SRCAP: variants seen among roughly 807,000 people sequenced by gnomAD.
The protein encoded by SRCAP is Snf2 related CREBBP activator protein, also known as chromatin remodeling protein SRCAP.
Under a neutral mutation model 263.1 loss-of-function variants are expected in SRCAP, and 46 were observed. The observed-to-expected ratio is 0.17, with a 90% CI of 0.14 to 0.22. The LOEUF (loss-of-function observed/expected upper bound fraction) is 0.22. Among genes scored for constraint, SRCAP ranks in the 10% least tolerant of loss-of-function variants. The pLI is 1.00. For synonymous variants in SRCAP, 1,813 were observed against 1,662.1 expected, an observed-to-expected ratio of 1.09 and a Z score of -2.21; for missense variants, 3,695 against 4,181.9, an observed-to-expected ratio of 0.88 and a Z score of 3.21.
chr16:30,723,526 G>A (rs2053031740), intron 24 of SRCAP, 58 bp from the exon 25 acceptor site: 1 of 1,552,676 alleles, frequency 6.4e-7, no homozygotes, highest in Admixed American at 1.9e-5. Context: ...AGATGGGACA[G>A]GGAGTAGAAA....
rs143900605 is a variant in SRCAP at position 30,730,544 on chromosome 16, G to A, written c.6127+972G>A. ...CCTCCTGGGTTCAAGCGATTCTCCT[G>A]CTTCAGCCTCCTGAGTAGCTGGGAT... On this transcript the variant is annotated intron_variant, in intron 27 of 33. Coordinates refer to ENST00000262518, the MANE Select transcript of SRCAP (RefSeq NM_006662.3). 3.9e-5 allele frequency among the ~76,000 whole-genome samples: 6 copies of A among 152,088 alleles called. No individual in the cohort carries two copies. The East Asian group carries it at 1.2e-3, about 29-fold the overall frequency.
intron 20 of SRCAP, 86 bp downstream of exon 20, chr16:30,721,064 T>G (rs2053006573): frequency 6.5e-7 from 1 of 1,543,372 alleles, no homozygotes; most frequent in Middle Eastern, 1.8e-4. Context: ...TTAAAGGGTT[T>G]GAGGAGCTGG....
intron 27 of SRCAP, among the ~76,000 whole-genome samples, chr16:30,732,702 G>A (rs1471368752): frequency 6.6e-6 from 1 of 152,172 alleles, no homozygotes; most frequent in African/African-American, 2.4e-5. Flanking sequence ...TGCTCATAAA[G>A]CATTGGGGAT....
chr16:30,724,196 C>A lies in SRCAP; in HGVS notation c.4772C>A (p.Ala1591Glu), dbSNP rs769281819. Residue 1591 changes from alanine to glutamate, a missense_variant, in exon 25 of 34, where the codon GCG becomes GAG. Ala to Glu is a moderately radical substitution (Grantham distance 107). Coordinates refer to ENST00000262518, the MANE Select transcript of SRCAP (RefSeq NM_006662.3). ...CTAGCCACCCCTCTGGCTCCTATGGCGGCTCCACAGACAGCAATTCTGGCT... is the reference window on the plus strand; with the variant it reads ...CTAGCCACCCCTCTGGCTCCTATGGAGGCTCCACAGACAGCAATTCTGGCT... ...QALATPLAPM[A>E]APQTAILAPS... 2 of 1,614,096 alleles carry A rather than the reference C, an allele frequency of 1.2e-6. No homozygotes were observed. The highest frequency in any genetic ancestry group is 1.7e-6 in the Non-Finnish European group (2 of 1,180,002).
chr16:30,728,418 C>T (rs750254601), intron 25 of SRCAP, among the ~76,000 whole-genome samples: 1 of 152,190 alleles, frequency 6.6e-6, no homozygotes, highest in Non-Finnish European at 1.5e-5. Context: ...TCAAAGTCAT[C>T]CAGGTGTCCT....
intron 18 of SRCAP, among the ~76,000 whole-genome samples, chr16:30,719,252 G>A (rs2151291920): frequency 6.7e-6 from 1 of 150,298 alleles, no homozygotes; most frequent in East Asian, 2.0e-4. Flanking sequence ...GTCTCACTCT[G>A]TCACCCAGGC....
intron 22 of SRCAP, 49 bp downstream of exon 22, chr16:30,722,335 C>G: frequency 3.2e-6 from 5 of 1,580,644 alleles, no homozygotes; most frequent in Non-Finnish European, 4.3e-6. Context: ...TCTTCCCTGT[C>G]TCTTTGTTTT....
At chr16:30,722,064 G>A in intron 21 of SRCAP, 58 bp from the exon 22 acceptor site, 2 of 1,570,550 alleles carry the variant, frequency 1.3e-6, no homozygotes, top group Non-Finnish European at 1.7e-6. Flanking sequence ...CATGGGGTCT[G>A]TGAAGTGGTG....
Position 30,737,548 on chromosome 16 carries a change from C to T in SRCAP, c.7508C>T (p.Pro2503Leu), listed in dbSNP as rs768135928. Residue 2503 changes from proline to leucine, a missense_variant, in exon 34 of 34, where the codon CCT becomes CTT. Transcript: ENST00000262518. ...PCSSPACTPP[P>L]ACTPPPAHTP... ...TCTTCTCCTGCCTGCACCCCTCCTC[C>T]TGCCTGTACCCCTCCACCAGCTCAT... is the stretch of plus-strand genomic sequence containing the variant. 1.7e-5 allele frequency: 27 copies of T among 1,613,114 alleles called. No homozygotes were observed. Among genetic ancestry groups the T allele is most frequent in the Middle Eastern group, 3.3e-4 (2 of 6,078 alleles).
intron 6 of SRCAP, among the ~76,000 whole-genome samples, chr16:30,708,664 G>C (rs1312724880): frequency 6.6e-6 from 1 of 152,106 alleles, no homozygotes; most frequent in Non-Finnish European, 1.5e-5. Context: ...AAAGTGCTGG[G>C]ATTATAGACG....
At chr16:30,734,790 A>G (rs566864786) in intron 31 of SRCAP, among the ~76,000 whole-genome samples, 175 bp downstream of exon 31, 108 of 151,368 alleles carry the variant, frequency 7.1e-4, no homozygotes, top group African/African-American at 2.5e-3. Flanking sequence ...ATTAAGTAGG[A>G]AAAAAAAACA....
chr16:30,725,410 T>C (rs987384787), intron 25 of SRCAP: 2 of 307,350 alleles, frequency 6.5e-6, no homozygotes, highest in Admixed American at 9.8e-5. Context: ...TAGCTGTTTC[T>C]TTCCTGTACT....
At position 30,737,184 on chromosome 16, in the gene SRCAP, A is replaced by T; in HGVS notation, c.7144A>T (p.Ser2382Cys). ...CGTGGGTHRR[S>C]KKAKAPERPG... ...GACTGGTGGAGGCACCCACCGGCGC[A>T]GTAAAAAGGCCAAAGCCCCTGAGAG... is the stretch of plus-strand genomic sequence containing the variant. The change falls in exon 34 of 34, where the codon AGT becomes TGT. Residue 2382 changes from serine (S) to cysteine (C), a missense_variant. By Grantham distance (112) the Ser-to-Cys change is moderately radical (BLOSUM62 -1). Around this residue, in one of 12 missense-constraint regions of SRCAP, gnomAD observed 1,207 missense variants for 1,142.9 expected, o/e 1.06. Coordinates refer to ENST00000262518, the MANE Select transcript of SRCAP (RefSeq NM_006662.3). The T allele has an allele frequency of 6.2e-7, 1 of 1,614,046 alleles. No individual in the cohort carries two copies. Among genetic ancestry groups the T allele is most frequent in the Non-Finnish European group, 8.5e-7 (1 of 1,179,998 alleles).
intron 25 of SRCAP, 54 bp from the exon 26 acceptor site, chr16:30,728,912 T>C (rs1209175096): frequency 5.2e-6 from 8 of 1,543,282 alleles, no homozygotes; most frequent in Non-Finnish European, 7.0e-6. Flanking sequence ...ACAGTCAGGT[T>C]TTGATGTGGA....
intron 3 of SRCAP, among the ~76,000 whole-genome samples, chr16:30,702,922 C>T (rs1223014694): frequency 6.6e-6 from 1 of 151,684 alleles, no homozygotes; most frequent in Non-Finnish European, 1.5e-5. Context: ...TGTAAAGTGA[C>T]GTGTTGGGTG....
At position 30,729,532 on chromosome 16, in the gene SRCAP, C is replaced by T; in HGVS notation, c.6087C>T (p.Arg2029=). The T allele has an allele frequency of 6.2e-7, 1 of 1,614,170 alleles. No homozygotes were observed. The highest frequency in any genetic ancestry group is 1.3e-5 in the African/African-American group (1 of 75,044). Residue 2029 remains arginine (R), a synonymous_variant, in exon 27 of 34, where the codon CGC becomes CGT. Coordinates refer to ENST00000262518, the MANE Select transcript of SRCAP (RefSeq NM_006662.3). ...RPLHRIVCNM[R]TQFPDLRLIQ... ...TGCACCGTATTGTGTGTAACATGCG[C>T]ACCCAGTTCCCTGACTTAAGACTCA... is the stretch of plus-strand genomic sequence containing the variant.
intron 2 of SRCAP, among the ~76,000 whole-genome samples, chr16:30,700,374 G>A (rs2052752556): frequency 6.6e-6 from 1 of 152,228 alleles, no homozygotes; most frequent in African/African-American, 2.4e-5. Context: ...TCCGTTGTGT[G>A]TAGGAGGAAG....
In SRCAP at chr16:30,737,371, G is replaced by A. The variant is rs146290947; in HGVS notation, c.7331G>A (p.Arg2444Gln). 2.6e-5 allele frequency: 42 copies of A among 1,613,508 alleles called. No individual in the cohort carries two copies. The highest frequency in any genetic ancestry group is 1.6e-4 in the Middle Eastern group (1 of 6,062). ...GTTCCCAGGCCAGCACCTAGGCCTC[G>A]ACCCACTCCAGCTTCAGCTCCGGCT... ...ERVPRPAPRP[R>Q]PTPASAPAAI... Residue 2444 changes from arginine (R) to glutamine (Q), a missense_variant, in exon 34 of 34, where the codon CGA (arginine) becomes CAA (glutamine). This residue lies in a region of SRCAP where 1,207 missense variants were observed against 1,142.9 expected (regional missense o/e 1.06). Transcript: ENST00000262518.
rs1329325469 is a variant in SRCAP, at chr16:30,712,728, C to T, written c.2043C>T (p.Asn681=). Reference sequence around the variant, plus strand: ...TTGTTCCCACCAGCGTGATGTTGAACTGGGAGATGGAGTTGAAACGGTGGT... The same window carrying T: ...TTGTTCCCACCAGCGTGATGTTGAATTGGGAGATGGAGTTGAAACGGTGGT... ...LIIVPTSVML[N]WEMELKRWCP... is the part of the protein sequence containing the mutation. Residue 681 remains asparagine (N), a synonymous_variant, in exon 14 of 34, where the codon AAC becomes AAT. Coordinates refer to ENST00000262518, the MANE Select transcript of SRCAP (RefSeq NM_006662.3). 1.2e-6 allele frequency: 2 copies of T among 1,613,938 alleles called. No individual in the cohort carries two copies. The highest frequency in any genetic ancestry group is 1.3e-5 in the African/African-American group (1 of 74,864).
Sources: allele counts gnomAD v4.1 joint callset (sites outside exome capture counted in the v4.1 genomes callset), GRCh38; gene constraint gnomAD v4.1.1; regional missense constraint gnomAD v4.1.1; transcripts MANE v1.5; gene names NCBI Gene and HGNC (gene_info 2026-07-23, HGNC 2026-07-21).